HTT-AS: variants seen among roughly 807,000 people sequenced by gnomAD.
HTT-AS encodes the protein HTT antisense RNA.
intron 2 of HTT-AS, among the ~76,000 whole-genome samples, chr4:3,053,194 T>C (rs1358706432): frequency 1.3e-5 from 2 of 152,218 alleles, no homozygotes; most frequent in Non-Finnish European, 2.9e-5. Flanking sequence ...TTCTTCTGTC[T>C]GTCTGTGTAG....
chr4:3,069,001 C>G (rs1256381358), intron 1 of HTT-AS, among the ~76,000 whole-genome samples: 1 of 152,128 alleles, frequency 6.6e-6, no homozygotes, highest in Admixed American at 6.5e-5. Context: ...ATAATACCCT[C>G]CAAATTGGGA....
chr4:3,071,182 C>A (rs143180495), intron 1 of HTT-AS, among the ~76,000 whole-genome samples: 97 of 152,298 alleles, frequency 6.4e-4, no homozygotes, highest in African/African-American at 2.1e-3. Flanking sequence ...GAGCATATAA[C>A]AGAATGACCT....
At chr4:3,053,921 A>G (rs1026952568) in intron 2 of HTT-AS, among the ~76,000 whole-genome samples, 7 of 151,824 alleles carry the variant, frequency 4.6e-5, no homozygotes, top group African/African-American at 1.7e-4. Flanking sequence ...CACCATGCCC[A>G]GCTAATTTTT....
At chr4:3,067,112 A>G (rs1215478509) in intron 1 of HTT-AS, among the ~76,000 whole-genome samples, 1 of 152,256 alleles carries the variant, frequency 6.6e-6, no homozygotes, top group Non-Finnish European at 1.5e-5. Context: ...CTTAATGGTA[A>G]AGCAAGGGTT....
At chr4:3,060,302 G>A (rs981205265) in intron 2 of HTT-AS, among the ~76,000 whole-genome samples, 6 of 151,972 alleles carry the variant, frequency 3.9e-5, no homozygotes, top group African/African-American at 1.2e-4. Flanking sequence ...CCTGAATCAT[G>A]AGTCTACTAC....
intron 2 of HTT-AS, among the ~76,000 whole-genome samples, chr4:3,054,289 A>G (rs2110120845): frequency 6.6e-6 from 1 of 152,062 alleles, no homozygotes; most frequent in Admixed American, 6.6e-5. Flanking sequence ...GGGTGTTTAA[A>G]AAGAGGAGTG....
At chr4:3,070,294 C>CTT (rs113541600) in intron 1 of HTT-AS, 25 of 144,606 alleles carry the variant, frequency 1.7e-4, no homozygotes, top group Admixed American at 1.3e-3. Flanking sequence ...CTCTCTCGCT[C>CTT]TTTTTTTTTT....
intron 1 of HTT-AS, among the ~76,000 whole-genome samples, chr4:3,068,076 C>G (rs1007823040): frequency 1.3e-5 from 2 of 151,888 alleles, no homozygotes; most frequent in African/African-American, 4.8e-5. Context: ...GAGGCCGAGG[C>G]GGGTGGATCA....
At chr4:3,072,616 G>T (rs1712200723) in intron 1 of HTT-AS, among the ~76,000 whole-genome samples, 1 of 152,278 alleles carries the variant, frequency 6.6e-6, no homozygotes, top group African/African-American at 2.4e-5. Context: ...TAACAGCAGA[G>T]AACTGGGAAC....
At chr4:3,048,951 A>G (rs1316297456), downstream of HTT-AS, among the ~76,000 whole-genome samples, 2 of 152,206 alleles carry the variant, frequency 1.3e-5, no homozygotes, top group African/African-American at 4.8e-5. Context: ...TGTCTCATTA[A>G]AGTTTCTCAC....
chr4:3,046,812 ATT>A (rs1711592350), downstream of HTT-AS, among the ~76,000 whole-genome samples: 1 of 152,158 alleles, frequency 6.6e-6, no homozygotes, highest in Admixed American at 6.5e-5. Context: ...GAGTGACTCC[ATT>A]TTTGTTTGGC....
intron 1 of HTT-AS, among the ~76,000 whole-genome samples, chr4:3,064,654 A>G (rs1424891564): frequency 6.6e-6 from 1 of 152,230 alleles, no homozygotes; most frequent in African/African-American, 2.4e-5. Context: ...GAGAAGAAGT[A>G]AAGTTGTCAA....
intron 2 of HTT-AS, among the ~76,000 whole-genome samples, chr4:3,051,747 G>A (rs528426877): frequency 3.3e-5 from 5 of 151,356 alleles, no homozygotes; most frequent in East Asian, 3.9e-4. Context: ...AGTGAATCTC[G>A]TAGGCTTTAT....
intron 1 of HTT-AS, among the ~76,000 whole-genome samples, chr4:3,063,869 G>A (rs553284823): frequency 1.8e-4 from 27 of 152,212 alleles, no homozygotes; most frequent in South Asian, 2.1e-4. Context: ...GGATGGTGGT[G>A]AAGGTTGTGG....
At chr4:3,065,570 T>G (rs1712032101) in intron 1 of HTT-AS, among the ~76,000 whole-genome samples, 1 of 152,206 alleles carries the variant, frequency 6.6e-6, no homozygotes, top group South Asian at 2.1e-4. Context: ...ACTATGGGGT[T>G]ACCTCTAGAT....
intron 2 of HTT-AS, among the ~76,000 whole-genome samples, chr4:3,055,097 C>T (rs1281973134): frequency 6.6e-6 from 1 of 151,970 alleles, no homozygotes; most frequent in Non-Finnish European, 1.5e-5. Context: ...ACCTGTAATC[C>T]CATCACTTTG....
chr4:3,046,844 T>C (rs191192200), downstream of HTT-AS, among the ~76,000 whole-genome samples: 26 of 152,342 alleles, frequency 1.7e-4, no homozygotes, highest in Admixed American at 9.2e-4. Flanking sequence ...TGGGACATAG[T>C]GCATGAGCTC....
chr4:3,072,406 C>T (rs985734316), intron 1 of HTT-AS, among the ~76,000 whole-genome samples: 11 of 152,210 alleles, frequency 7.2e-5, no homozygotes, highest in Non-Finnish European at 1.5e-4. Context: ...TACCCTTTTG[C>T]GACCTAGTCA....
intron 2 of HTT-AS, among the ~76,000 whole-genome samples, chr4:3,057,894 A>G (rs1456220553): frequency 6.7e-6 from 1 of 150,252 alleles, no homozygotes; most frequent in Non-Finnish European, 1.5e-5. Context: ...AAGTGCTGGG[A>G]TTACAGGCGT....
Sources: gnomAD v4.1 joint callset for allele counts (sites outside exome capture counted in the v4.1 genomes callset) on GRCh38, gnomAD v4.1.1 for gene constraint, MANE v1.5 for transcripts, NCBI Gene and HGNC (gene_info 2026-07-23, HGNC 2026-07-21) for gene names.